The following CHMP4C variants were observed in gnomAD, a reference collection of about 807,000 sequenced individuals.
CHMP4C encodes SNF7 homolog associated with Alix 3.
CHMP4C carries 28 observed loss-of-function variants against 29.0 expected under a neutral mutation model. That is an observed-to-expected ratio of 0.97 (90% CI 0.72 to 1.32). The LOEUF (loss-of-function observed/expected upper bound fraction) is 1.32, where lower values mean the gene tolerates loss of function less well. CHMP4C is among the 40% of genes most tolerant of loss of function. The probability of loss-of-function intolerance (pLI) is 0.00; values close to 1 mark genes in which losing one functional copy is unlikely to be tolerated. For missense variants in CHMP4C, 291 were observed against 281.0 expected (o/e 1.04, Z -0.25); for synonymous variants, 106 against 102.4 (o/e 1.04, Z -0.21).
intron 1 of CHMP4C, among the ~76,000 whole-genome samples, chr8:81,736,430 A>G (rs1016489700): frequency 6.6e-6 from 1 of 152,078 alleles, no homozygotes; most frequent in African/African-American, 2.4e-5. Context: ...CAAAGTGCTG[A>G]CAAGAGCCAC....
At position 81,759,384 on chromosome 8, in the gene CHMP4C, C is replaced by T. The variant is rs181950988; in HGVS notation, c.*840C>T. 6.6e-6 allele frequency: 1 copy of T among 152,382 alleles called. No homozygotes were observed. The highest frequency in any genetic ancestry group is 1.9e-4 in the East Asian group (1 of 5,178). The allele number at this position is 152,382 out of a possible 1,614,324, so 9.4% of individuals were successfully genotyped here. On this transcript the variant is annotated 3_prime_UTR_variant, in exon 5 of 5. Transcript: ENST00000297265. ...CCAGGCCATTATGATGCTGTTACAGCTTCAGTGTATAAATGCATGAGTATT... is the reference window on the plus strand; with the variant it reads ...CCAGGCCATTATGATGCTGTTACAGTTTCAGTGTATAAATGCATGAGTATT...
In CHMP4C at chr8:81,732,609, C is replaced by G. The variant is rs1419212291; in HGVS notation, c.-18C>G. ...CCGAGAGGCCCCCGGGATCGCTGGC[C>G]CTCCGAACTCCACAGCAATGAGCAA... On this transcript the variant is annotated 5_prime_UTR_variant, in exon 1 of 5. Transcript: ENST00000297265. 2.0e-6 allele frequency: 3 copies of G among 1,522,800 alleles called. No homozygotes were observed. The South Asian group carries it at 3.7e-5, about 19-fold the overall frequency. 94.3% of individuals were successfully genotyped at this position (1,522,800 alleles called of 1,614,324 possible). A position where few individuals can be genotyped will look rare whatever the true frequency, so the allele number is the denominator to read the frequency against.
At chr8:81,743,294 A>T (rs1012166827) in intron 1 of CHMP4C, among the ~76,000 whole-genome samples, 1 of 151,124 alleles carries the variant, frequency 6.6e-6, no homozygotes, top group South Asian at 2.1e-4. Context: ...AGGTACACAC[A>T]TCTACTTTGT....
intron 1 of CHMP4C, among the ~76,000 whole-genome samples, chr8:81,741,131 G>A (rs1378954654): frequency 2.0e-5 from 3 of 152,068 alleles, no homozygotes; most frequent in Non-Finnish European, 4.4e-5. Flanking sequence ...AAGAGCAATT[G>A]CTACTGTTTC....
At chr8:81,749,855 C>A (rs988023546) in intron 1 of CHMP4C, among the ~76,000 whole-genome samples, 1 of 152,092 alleles carries the variant, frequency 6.6e-6, no homozygotes, top group African/African-American at 2.4e-5. Context: ...AGATGAGGAA[C>A]TTGTTGGATA....
chr8:81,739,265 T>A (rs1808731059), intron 1 of CHMP4C, among the ~76,000 whole-genome samples: 2 of 151,858 alleles, frequency 1.3e-5, no homozygotes, highest in Non-Finnish European at 2.9e-5. Context: ...CCCAGCTATT[T>A]TTTTTTTAAT....
chr8:81,753,242 G>A lies in CHMP4C; in HGVS notation c.368+1G>A. On this transcript the variant is annotated splice_donor_variant, in intron 2 of 4. Coordinates refer to ENST00000297265, the MANE Select transcript of CHMP4C (RefSeq NM_152284.4). LOFTEE classifies it high-confidence loss of function. Reference sequence around the variant, plus strand: ...CGATGAAATCTGTTCATGAAAACATGTGAGTGACTCTGGTCTCCCTCTGAA... The same window carrying A: ...CGATGAAATCTGTTCATGAAAACATATGAGTGACTCTGGTCTCCCTCTGAA... The A allele has an allele frequency of 7.1e-7, 1 of 1,399,128 alleles. No individual in the cohort carries two copies. Among genetic ancestry groups the A allele is most frequent in the Non-Finnish European group, 9.9e-7 (1 of 1,014,798 alleles). The allele number at this position is 1,399,128 out of a possible 1,614,324, so 86.7% of individuals were successfully genotyped here.
In CHMP4C at chr8:81,753,528, C is replaced by T. The variant is rs145537142; in HGVS notation, c.368+287C>T. On this transcript the variant is annotated intron_variant, in intron 2 of 4. Transcript: ENST00000297265. ...TAATTCTACAGTTTAAAAAAGGCTT[C>T]GATTTCAACCTGTGTGAGGGTGTTG... Among the ~76,000 whole-genome samples, 806 of 152,182 alleles carry T rather than the reference C, an allele frequency of 5.3e-3. 11 individuals are homozygous for T. Among genetic ancestry groups the T allele is most frequent in the African/African-American group, 0.018 (742 of 41,530 alleles).
At chr8:81,739,419 G>GGGGGC (rs1554592447) in intron 1 of CHMP4C, among the ~76,000 whole-genome samples, 1 of 15,494 alleles carries the variant, frequency 6.5e-5, no homozygotes, top group Admixed American at 1.1e-3. Context: ...GGGGGATTGT[G>GGGGGC]GGGGGGGGTG....
chr8:81,746,482 A>G (rs958394750), intron 1 of CHMP4C, among the ~76,000 whole-genome samples: 5 of 152,274 alleles, frequency 3.3e-5, no homozygotes, highest in African/African-American at 1.2e-4. Context: ...GTTGCTCTGT[A>G]TTGCCACCAT....
chr8:81,741,149 A>G (rs539071663), intron 1 of CHMP4C, among the ~76,000 whole-genome samples: 12 of 152,144 alleles, frequency 7.9e-5, no homozygotes, highest in Non-Finnish European at 1.6e-4. Context: ...TTCTTATGTT[A>G]TATAATATTA....
chr8:81,736,557 A>G (rs1295899027), intron 1 of CHMP4C, among the ~76,000 whole-genome samples: 1 of 152,212 alleles, frequency 6.6e-6, no homozygotes, highest in African/African-American at 2.4e-5. Context: ...GGATGAATCT[A>G]CTAGGTGTGT....
chr8:81,754,464 G>C (rs995900083), intron 2 of CHMP4C, among the ~76,000 whole-genome samples: 2 of 152,030 alleles, frequency 1.3e-5, no homozygotes, highest in African/African-American at 4.8e-5. Context: ...TTTGATTATT[G>C]CATGAAAATA....
intron 2 of CHMP4C, among the ~76,000 whole-genome samples, chr8:81,754,840 A>G (rs1303610748): frequency 6.6e-6 from 1 of 152,062 alleles, no homozygotes; most frequent in African/African-American, 2.4e-5. Context: ...CTCTTTAGTA[A>G]CCTCTCAGGG....
At position 81,753,094 on chromosome 8, in the gene CHMP4C, G is replaced by T. The variant is rs749858794; in HGVS notation, c.221G>T (p.Arg74Met). The T allele has an allele frequency of 6.8e-6, 11 of 1,611,418 alleles. No individual in the cohort carries two copies. In the African/African-American group the frequency reaches 1.5e-4, roughly 22 times the overall value. The stretch of plus-strand genomic sequence containing the variant: ...TTACAGGCACTAAAGAGAAAGAAGA[G>T]GTTCGAGAAACAGCTCACTCAGATT... The part of the protein sequence containing the change: ...AALQALKRKK[R>M]FEKQLTQIDG... The change falls in exon 2 of 5, where the codon AGG becomes ATG. Residue 74 changes from arginine to methionine, a missense_variant. Physicochemically the swap from Arg to Met is moderately conservative, Grantham distance 91. Transcript: ENST00000297265.
rs150715017 is a variant in CHMP4C at position 81,758,876 on chromosome 8, C to T, written c.*332C>T. 0.027 allele frequency: 5,171 copies of T among 192,908 alleles called. 266 individuals carry two copies. The highest frequency in any genetic ancestry group is 0.12 in the African/African-American group (4,889 of 42,428). The allele number at this position is 192,908 out of a possible 1,614,324, so 11.9% of individuals were successfully genotyped here. On this transcript the variant is annotated 3_prime_UTR_variant, in exon 5 of 5. Transcript: ENST00000297265. ...ATTAGCCGGACATGGTGGCAGGCAC[C>T]TGTAATCCCAGCTACTTGGGAGGCT...
rs752887530 is a variant in CHMP4C, at chr8:81,732,617, C to CT, written c.-9dup. ...CCCCCGGGATCGCTGGCCCTCCGAA[C>CT]TCCACAGCAATGAGCAAGTTGGGCA... On this transcript the variant is annotated 5_prime_UTR_variant, in exon 1 of 5. Transcript: ENST00000297265. 9 of 1,531,178 alleles carry CT rather than the reference C, an allele frequency of 5.9e-6. No homozygotes were observed. The South Asian group carries it at 1.1e-4, about 19-fold the overall frequency. 94.8% of individuals were successfully genotyped at this position (1,531,178 alleles called of 1,614,324 possible). A position where few individuals can be genotyped will look rare whatever the true frequency, so the allele number is the denominator to read the frequency against.
intron 3 of CHMP4C, among the ~76,000 whole-genome samples, chr8:81,757,412 G>T (rs1431120111): frequency 1.3e-5 from 2 of 152,108 alleles, no homozygotes; most frequent in Non-Finnish European, 2.9e-5. Context: ...TCTCTGAGAG[G>T]GGTTGGACTC....
intron 1 of CHMP4C, among the ~76,000 whole-genome samples, chr8:81,752,711 T>A (rs1808918406): frequency 6.6e-6 from 1 of 152,166 alleles, no homozygotes; most frequent in African/African-American, 2.4e-5. Flanking sequence ...CGTTCTCTAA[T>A]GGTTTACTTT....
Sources: allele counts gnomAD v4.1 joint callset (sites outside exome capture counted in the v4.1 genomes callset), GRCh38; gene constraint gnomAD v4.1.1; transcripts MANE v1.5; gene names NCBI Gene and HGNC (gene_info 2026-07-23, HGNC 2026-07-21).